FAM135B: variants seen among roughly 807,000 people sequenced by gnomAD.
FAM135B encodes protein FAM135B.
FAM135B carries 43 observed loss-of-function variants against 127.7 expected under a neutral mutation model. The ratio of observed to expected loss-of-function variants is 0.34; its 90% CI spans 0.26 to 0.43. The LOEUF is 0.43. Ranked by LOEUF, FAM135B falls within the 20% of genes least tolerant of loss-of-function variation. The pLI, the probability that FAM135B is intolerant of heterozygous loss-of-function variation, is 1.00. For missense variants in FAM135B, 1,558 were observed against 1,725.6 expected (o/e 0.90, Z 1.72); for synonymous variants, 670 against 665.1 (o/e 1.01, Z -0.11).
At chr8:138,291,797 T>C (rs986298900) in intron 3 of FAM135B, among the ~76,000 whole-genome samples, 4 of 152,168 alleles carry the variant, frequency 2.6e-5, no homozygotes, top group Admixed American at 2.0e-4. Flanking sequence ...AGATCATATA[T>C]TTCAAGCCTA....
intron 1 of FAM135B, among the ~76,000 whole-genome samples, chr8:138,402,803 C>T (rs1833225711): frequency 6.6e-6 from 1 of 152,188 alleles, no homozygotes; most frequent in African/African-American, 2.4e-5. Context: ...GCACTATGGA[C>T]TGAATGTTTG....
chr8:138,494,959 T>C (rs184275569), intron 1 of FAM135B, among the ~76,000 whole-genome samples: 1 of 152,266 alleles, frequency 6.6e-6, no homozygotes, highest in Admixed American at 6.5e-5. Context: ...GTGGATGGCA[T>C]GCAGCATTTT....
chr8:138,264,910 T>G lies in FAM135B; in HGVS notation c.297+793A>C, dbSNP rs576892345. On this transcript the variant is annotated intron_variant, in intron 4 of 19. Transcript: ENST00000395297. ...CCTAAAATAGGAATACTCTTTCATA[T>G]AATTCTCGATATATTCTAGCAGAAA... 6.6e-5 allele frequency among the ~76,000 whole-genome samples: 10 copies of G among 152,316 alleles called. No individual in the cohort carries two copies. The East Asian group carries it at 1.9e-3, about 29-fold the overall frequency.
At chr8:138,142,285 CTTCTTTTTTTTTTTTTTTTT>C (rs1234332949) in intron 16 of FAM135B, among the ~76,000 whole-genome samples, 4 of 99,934 alleles carry the variant, frequency 4.0e-5, no homozygotes, top group Middle Eastern at 6.5e-3. Flanking sequence ...CATTCTGCTT[CTTCTTTTTTTTTTTTTTTTT>C]TTTTTTTTTT....
intron 3 of FAM135B, among the ~76,000 whole-genome samples, chr8:138,291,335 T>A (rs1206489928): frequency 6.6e-6 from 1 of 152,116 alleles, no homozygotes; most frequent in Non-Finnish European, 1.5e-5. Context: ...TGGCAGAACT[T>A]AGGCATAAAA....
At chr8:138,158,147 C>T (rs1206231929) in intron 12 of FAM135B, among the ~76,000 whole-genome samples, 2 of 152,138 alleles carry the variant, frequency 1.3e-5, no homozygotes, top group African/African-American at 2.4e-5. Flanking sequence ...TAATACCACA[C>T]ATCTACAACC....
intron 7 of FAM135B, among the ~76,000 whole-genome samples, chr8:138,201,423 C>T (rs1173259885): frequency 6.6e-6 from 1 of 151,522 alleles, no homozygotes; most frequent in African/African-American, 2.4e-5. Context: ...AATGCTAATC[C>T]AAAGAGAAAT....
At position 138,329,763 on chromosome 8, in the gene FAM135B, G is replaced by T. The variant is rs570650091; in HGVS notation, c.78-18843C>A. On this transcript the variant is annotated intron_variant, in intron 2 of 19. Transcript: ENST00000395297. ...GGTGGGAGAACTCAGTCCCACATCTGGTAAGCTACTGCAACTTTGGTTATA... is the reference window on the plus strand; with the variant it reads ...GGTGGGAGAACTCAGTCCCACATCTTGTAAGCTACTGCAACTTTGGTTATA... Among the ~76,000 whole-genome samples the T allele has an allele frequency of 2.0e-5, 3 of 152,094 alleles. No homozygotes were observed. The South Asian group carries it at 6.2e-4, about 32-fold the overall frequency.
intron 1 of FAM135B, among the ~76,000 whole-genome samples, chr8:138,416,513 C>T (rs896645019): frequency 8.5e-5 from 13 of 152,104 alleles, no homozygotes; most frequent in Admixed American, 6.6e-4. Context: ...TCCTTTTAGT[C>T]TATCTTTTCC....
intron 1 of FAM135B, among the ~76,000 whole-genome samples, chr8:138,449,495 G>A (rs151119769): frequency 2.1e-3 from 318 of 152,126 alleles, no homozygotes; most frequent in African/African-American, 7.1e-3. Context: ...AACAGGAGCC[G>A]TAACCAATAC....
intron 1 of FAM135B, among the ~76,000 whole-genome samples, chr8:138,480,467 C>A (rs575418385): frequency 4.6e-5 from 7 of 152,168 alleles, no homozygotes; most frequent in African/African-American, 1.2e-4. Context: ...GGTGTGGAAG[C>A]CCTGTGGAGA....
chr8:138,492,746 T>C (rs914583765), intron 1 of FAM135B, among the ~76,000 whole-genome samples: 1 of 152,084 alleles, frequency 6.6e-6, no homozygotes, highest in African/African-American at 2.4e-5. Flanking sequence ...CATGTGGAGA[T>C]TCCTTCAGAC....
intron 12 of FAM135B, among the ~76,000 whole-genome samples, chr8:138,159,318 G>A (rs1014290382): frequency 1.6e-4 from 23 of 146,580 alleles, no homozygotes; most frequent in Middle Eastern, 3.5e-3. Context: ...TGTTTATTGC[G>A]GCACTATTCG....
intron 12 of FAM135B, among the ~76,000 whole-genome samples, chr8:138,164,324 C>G (rs562368710): frequency 6.6e-6 from 1 of 152,244 alleles, no homozygotes; most frequent in Admixed American, 6.5e-5. Flanking sequence ...AAGAGAGACC[C>G]GCCTCTGAGA....
intron 6 of FAM135B, among the ~76,000 whole-genome samples, 198 bp downstream of exon 6, chr8:138,250,643 G>A (rs1341526596): frequency 2.0e-5 from 3 of 152,032 alleles, no homozygotes; most frequent in Non-Finnish European, 4.4e-5. Context: ...TTCGACTTCC[G>A]GGTTCCACAC....
intron 3 of FAM135B, among the ~76,000 whole-genome samples, chr8:138,310,039 T>G (rs1826558654): frequency 6.6e-6 from 1 of 151,926 alleles, no homozygotes; most frequent in Non-Finnish European, 1.5e-5. Flanking sequence ...TGGCTAATTT[T>G]TTTGTATTTT....
At chr8:138,180,628 C>A (rs1814931320) in intron 9 of FAM135B, among the ~76,000 whole-genome samples, 1 of 152,094 alleles carries the variant, frequency 6.6e-6, no homozygotes, top group African/African-American at 2.4e-5. Context: ...GTGAGACATC[C>A]AAGAGTAAGA....
At chr8:138,334,575 C>G (rs1242278062) in intron 2 of FAM135B, among the ~76,000 whole-genome samples, 1 of 152,020 alleles carries the variant, frequency 6.6e-6, no homozygotes, top group Non-Finnish European at 1.5e-5. Context: ...CCCAGTGTAT[C>G]GTGTTCCCCT....
intron 1 of FAM135B, among the ~76,000 whole-genome samples, chr8:138,373,071 A>G (rs1253729822): frequency 6.6e-6 from 1 of 152,176 alleles, no homozygotes; most frequent in Non-Finnish European, 1.5e-5. Context: ...GGAAAAAAAG[A>G]GGCAGAGGTT....
Sources: gnomAD v4.1 joint callset for allele counts (sites outside exome capture counted in the v4.1 genomes callset) on GRCh38, gnomAD v4.1.1 for gene constraint, MANE v1.5 for transcripts, NCBI Gene and HGNC (gene_info 2026-07-23, HGNC 2026-07-21) for gene names.